KCNQ1: variants seen among roughly 807,000 people sequenced by gnomAD.
The protein encoded by KCNQ1 is potassium voltage-gated channel subfamily KQT member 1.
Under a neutral mutation model 72.4 loss-of-function variants are expected in KCNQ1, and 49 were observed. The ratio of observed to expected loss-of-function variants is 0.68; its 90% CI spans 0.54 to 0.86. The LOEUF is 0.86. Among genes scored for constraint, KCNQ1 ranks in the 40% least tolerant of loss-of-function variants. The probability of loss-of-function intolerance (pLI) is 0.00; values close to 1 mark genes in which losing one functional copy is unlikely to be tolerated. For synonymous variants in KCNQ1, 450 were observed against 412.6 expected, an observed-to-expected ratio of 1.09 and a Z score of -1.10; for missense variants, 790 against 945.1, an observed-to-expected ratio of 0.84 and a Z score of 2.15.
chr11:2,847,692 A>ACCTGGGCC, intron 15 of KCNQ1, 75 bp from the exon 16 acceptor site: 1 of 1,398,780 alleles, frequency 7.1e-7, no homozygotes, highest in Non-Finnish European at 9.9e-7. Context: ...CTGGCCCCAA[A>ACCTGGGCC]CCTGGGCCCT....
rs1370533860 is a variant in KCNQ1 at position 2,486,237 on chromosome 11, T to G, written c.386+40753T>G. On this transcript the variant is annotated intron_variant, in intron 1 of 15. Coordinates refer to ENST00000155840, the MANE Select transcript of KCNQ1 (RefSeq NM_000218.3). The surrounding 1 kb of genome is among the most constrained non-coding windows in gnomAD (Gnocchi z 5.0). The stretch of plus-strand genomic sequence containing the variant: ...CTCATTATAGTTTTGATTTACATTT[T>G]CTTATGAGTAGTGATGTTGAGTATC... 6.6e-6 allele frequency among the ~76,000 whole-genome samples: 1 copy of G among 152,236 alleles called. No homozygotes were observed. Among genetic ancestry groups the G allele is most frequent in the African/African-American group, 2.4e-5 (1 of 41,458 alleles).
At chr11:2,716,088 G>T (rs887781933) in intron 11 of KCNQ1, among the ~76,000 whole-genome samples, 7 of 152,212 alleles carry the variant, frequency 4.6e-5, no homozygotes, top group African/African-American at 1.7e-4. Context: ...CACCGCCGGG[G>T]TCGGAGCCCC....
In KCNQ1 at chr11:2,497,619, C is replaced by G. The variant is rs186983699; in HGVS notation, c.387-30309C>G. 1.3e-5 allele frequency among the ~76,000 whole-genome samples: 2 copies of G among 152,316 alleles called. No individual in the cohort carries two copies. The highest frequency in any genetic ancestry group is 1.3e-4 in the Admixed American group (2 of 15,294). On this transcript the variant is annotated intron_variant, in intron 1 of 15. Coordinates refer to ENST00000155840, the MANE Select transcript of KCNQ1 (RefSeq NM_000218.3). This position sits in a 1 kb window ranked among gnomAD's most constrained non-coding sequence, Gnocchi z 4.5. ...TTGCATTGGGTTAGAACATGCTTCT[C>G]TAGCTCAGAGGAATTTGTTATTACC...
chr11:2,799,224 C>T (rs1209141354), intron 15 of KCNQ1, among the ~76,000 whole-genome samples: 5 of 152,170 alleles, frequency 3.3e-5, no homozygotes, highest in Admixed American at 2.0e-4. Flanking sequence ...CAGAGGCAGG[C>T]AGGGGCCGGA....
In KCNQ1 at chr11:2,790,458, G is replaced by A. The variant is rs573041593; in HGVS notation, c.1794+12421G>A. On this transcript the variant is annotated intron_variant, in intron 15 of 15. Coordinates refer to ENST00000155840, the MANE Select transcript of KCNQ1 (RefSeq NM_000218.3). ...CCATAGGAGGGGCTCATCACTCAGG[G>A]TCCTCATCCAGGTGTGGCCCATCCA... 2.0e-4 allele frequency among the ~76,000 whole-genome samples: 30 copies of A among 152,300 alleles called. No individual in the cohort carries two copies. In the South Asian group the frequency reaches 6.2e-3, roughly 32 times the overall value.
At chr11:2,552,943 T>C (rs1848005346) in intron 2 of KCNQ1, among the ~76,000 whole-genome samples, 1 of 152,254 alleles carries the variant, frequency 6.6e-6, no homozygotes, top group Non-Finnish European at 1.5e-5. Context: ...GTGTAATTTT[T>C]AGTGGTGTGA....
At chr11:2,461,531 G>A (rs1846277932) in intron 1 of KCNQ1, 1 of 1,343,014 alleles carries the variant, frequency 7.4e-7, no homozygotes, top group Non-Finnish European at 9.8e-7. Context: ...TGTCTGGAGT[G>A]TAGGATGGCA....
intron 6 of KCNQ1, among the ~76,000 whole-genome samples, chr11:2,583,177 G>T (rs1289316555): frequency 1.3e-5 from 2 of 152,170 alleles, no homozygotes; most frequent in Non-Finnish European, 2.9e-5. Flanking sequence ...CAGCCAGCAG[G>T]CCTGGCCCTT....
chr11:2,668,767 G>A lies in KCNQ1; in HGVS notation c.1514+6686G>A. The A allele has an allele frequency of 2.5e-6, 1 of 398,586 alleles. No individual in the cohort carries two copies. Among genetic ancestry groups the A allele is most frequent in the East Asian group, 3.6e-5 (1 of 28,072 alleles). The allele number at this position is 398,586 out of a possible 1,614,324, so 24.7% of individuals were successfully genotyped here. A position where few individuals can be genotyped will look rare whatever the true frequency, so the allele number is the denominator to read the frequency against. On this transcript the variant is annotated intron_variant, in intron 11 of 15. Coordinates refer to ENST00000155840, the MANE Select transcript of KCNQ1 (RefSeq NM_000218.3). This position sits in a 1 kb window ranked among gnomAD's most constrained non-coding sequence, Gnocchi z 4.3. ...CTGCAGGCTGCCTTCTTCCTCTCTTGATGGTGTCTTTTGATGAACAGAAGG... is the reference window on the plus strand; with the variant it reads ...CTGCAGGCTGCCTTCTTCCTCTCTTAATGGTGTCTTTTGATGAACAGAAGG...
chr11:2,673,981 G>C lies in KCNQ1; in HGVS notation c.1514+11900G>C, dbSNP rs1314298868. On this transcript the variant is annotated intron_variant, in intron 11 of 15. Coordinates refer to ENST00000155840, the MANE Select transcript of KCNQ1 (RefSeq NM_000218.3). The surrounding 1 kb of genome is among the most constrained non-coding windows in gnomAD (Gnocchi z 4.5). ...GCCACAAGGGGATGCCCAGCATTGG[G>C]GGTGGGGTGGGGGGAGGGCCCTCCG... The C allele has an allele frequency of 1.1e-5, 2 of 190,284 alleles. No homozygotes were observed. 11.8% of individuals were successfully genotyped at this position (190,284 alleles called of 1,614,324 possible).
Position 2,493,129 on chromosome 11 carries a change from A to G in KCNQ1, c.387-34799A>G, listed in dbSNP as rs1016690484. Among the ~76,000 whole-genome samples the G allele has an allele frequency of 6.6e-6, 1 of 151,922 alleles. No individual in the cohort carries two copies. The highest frequency in any genetic ancestry group is 1.5e-5 in the Non-Finnish European group (1 of 67,964). On this transcript the variant is annotated intron_variant, in intron 1 of 15. Coordinates refer to ENST00000155840, the MANE Select transcript of KCNQ1 (RefSeq NM_000218.3). The surrounding 1 kb of genome is among the most constrained non-coding windows in gnomAD (Gnocchi z 5.3). ...CCAGTAATGATTAGCTTTTTTTTCC[A>G]TATGTTTCTTGGCCACATAAATGTC...
Position 2,677,716 on chromosome 11 carries a change from ATC to A in KCNQ1, c.1514+15639_1514+15640del, listed in dbSNP as rs1479661684. On this transcript the variant is annotated intron_variant, in intron 11 of 15. Transcript: ENST00000155840. This position sits in a 1 kb window ranked among gnomAD's most constrained non-coding sequence, Gnocchi z 4.5. ...TTTCAAATTAACTTCCCAATCAAAT[ATC>A]TCTATTGTAAAATTTTGGTCTCCGT... 7.5e-6 allele frequency: 3 copies of A among 398,440 alleles called. No homozygotes were observed. Among genetic ancestry groups the A allele is most frequent in the African/African-American group, 6.2e-5 (3 of 48,620 alleles). The allele number at this position is 398,440 out of a possible 1,614,324, so 24.7% of individuals were successfully genotyped here. A position where few individuals can be genotyped will look rare whatever the true frequency, so the allele number is the denominator to read the frequency against.
At chr11:2,794,249 C>T (rs1338736550) in intron 15 of KCNQ1, among the ~76,000 whole-genome samples, 1 of 152,172 alleles carries the variant, frequency 6.6e-6, no homozygotes, top group Non-Finnish European at 1.5e-5. Context: ...GTCTGCCAGC[C>T]CCACCGATGA....
Position 2,677,757 on chromosome 11 carries a change from A to G in KCNQ1, c.1514+15676A>G, listed in dbSNP as rs1850318999. On this transcript the variant is annotated intron_variant, in intron 11 of 15. Transcript: ENST00000155840. The surrounding 1 kb of genome is among the most constrained non-coding windows in gnomAD (Gnocchi z 4.5). ...TTTGGTCTCCGTTTTCAGTGGATTT[A>G]CTTTAAGAGATCCTCCCTTTCCCCC... The G allele has an allele frequency of 2.5e-6, 1 of 398,418 alleles. No homozygotes were observed. The highest frequency in any genetic ancestry group is 2.1e-5 in the African/African-American group (1 of 48,618). 24.7% of individuals were successfully genotyped at this position (398,418 alleles called of 1,614,324 possible).
chr11:2,651,338 G>A lies in KCNQ1; in HGVS notation c.1394-10623G>A, dbSNP rs757602816. On this transcript the variant is annotated intron_variant, in intron 10 of 15. Coordinates refer to ENST00000155840, the MANE Select transcript of KCNQ1 (RefSeq NM_000218.3). This position sits in a 1 kb window ranked among gnomAD's most constrained non-coding sequence, Gnocchi z 6.1. ...AACACTCCTCAGAGTTCTACAAGCG[G>A]CTGAGAGAGCTGGGGTATTTATCTT... 2 of 398,634 alleles carry A rather than the reference G, an allele frequency of 5.0e-6. No homozygotes were observed. The highest frequency in any genetic ancestry group is 8.8e-6 in the Non-Finnish European group (2 of 226,160). The allele number at this position is 398,634 out of a possible 1,614,324, so 24.7% of individuals were successfully genotyped here.
chr11:2,488,696 T>G lies in KCNQ1; in HGVS notation c.387-39232T>G, dbSNP rs537747099. Among the ~76,000 whole-genome samples, 4 of 152,358 alleles carry G rather than the reference T, an allele frequency of 2.6e-5. No individual in the cohort carries two copies. Among genetic ancestry groups the G allele is most frequent in the African/African-American group, 9.6e-5 (4 of 41,596 alleles). On this transcript the variant is annotated intron_variant, in intron 1 of 15. Coordinates refer to ENST00000155840, the MANE Select transcript of KCNQ1 (RefSeq NM_000218.3). This position sits in a 1 kb window ranked among gnomAD's most constrained non-coding sequence, Gnocchi z 5.1. ...TTTATTTCTGTAGAATTGATAGTCA[T>G]GTCCCTATTTTCACTTCTGATTTCA...
rs1332310418 is a variant in KCNQ1 at position 2,550,555 on chromosome 11, G to T, written c.478-20073G>T. ...GACATGCATCCTCGCCTAGGCCAGA[G>T]TGCCAGGCAGGGTAGGGGAACAAAT... On this transcript the variant is annotated intron_variant, in intron 2 of 15. Transcript: ENST00000155840. The surrounding 1 kb of genome is among the most constrained non-coding windows in gnomAD (Gnocchi z 6.0). 6.6e-6 allele frequency among the ~76,000 whole-genome samples: 1 copy of T among 152,230 alleles called. No homozygotes were observed. The highest frequency in any genetic ancestry group is 1.5e-5 in the Non-Finnish European group (1 of 68,036).
At chr11:2,453,994 T>G (rs1030641327) in intron 1 of KCNQ1, among the ~76,000 whole-genome samples, 2 of 152,094 alleles carry the variant, frequency 1.3e-5, no homozygotes, top group African/African-American at 4.8e-5. Flanking sequence ...GGTCTTGAAA[T>G]CTTGGCCTCA....
rs931670302 is a variant in KCNQ1, at chr11:2,564,019, T to C, written c.478-6609T>C. On this transcript the variant is annotated intron_variant, in intron 2 of 15. Coordinates refer to ENST00000155840, the MANE Select transcript of KCNQ1 (RefSeq NM_000218.3). The surrounding 1 kb of genome is among the most constrained non-coding windows in gnomAD (Gnocchi z 4.5). Reference sequence around the variant, plus strand: ...GGCCCACAGAATCCTTTTGGAGACCTGACCCGCGGGAGCCCAGGTGAGCAA... The same window carrying C: ...GGCCCACAGAATCCTTTTGGAGACCCGACCCGCGGGAGCCCAGGTGAGCAA... Among the ~76,000 whole-genome samples the C allele has an allele frequency of 6.6e-6, 1 of 152,346 alleles. No individual in the cohort carries two copies. The highest frequency in any genetic ancestry group is 6.5e-5 in the Admixed American group (1 of 15,308).
Sources: gnomAD v4.1 joint callset for allele counts (sites outside exome capture counted in the v4.1 genomes callset) on GRCh38, gnomAD v4.1.1 for gene constraint, Gnocchi (gnomAD v3.1) non-coding constraint, MANE v1.5 for transcripts, NCBI Gene and HGNC (gene_info 2026-07-23, HGNC 2026-07-21) for gene names.